The following RANBP2 variants were observed in gnomAD, a reference collection of about 807,000 sequenced individuals.
RANBP2 encodes RAN binding protein 2.
A neutral mutation model predicts 303.6 loss-of-function variants in RANBP2; 57 were observed. The observed-to-expected ratio is 0.19, with a 90% CI of 0.15 to 0.23. The LOEUF is 0.23. RANBP2 is among the 10% of genes least tolerant of loss of function. RANBP2 has a pLI of 1.00. For missense variants in RANBP2, 3,138 were observed against 3,780.8 expected (o/e 0.83, Z 4.46); for synonymous variants, 1,167 against 1,301.5 (o/e 0.90, Z 2.23).
chr2:109,434,861 T>G, the RANBP2 span, among the ~76,000 whole-genome samples: 1 of 152,212 alleles, frequency 6.6e-6, no homozygotes, highest in South Asian at 2.1e-4. Flanking sequence ...ATCGAATCAA[T>G]AAAAGAAATC....
At chr2:109,513,154 C>T in the RANBP2 span, among the ~76,000 whole-genome samples, 1 of 152,184 alleles carries the variant, frequency 6.6e-6, no homozygotes, top group Non-Finnish European at 1.5e-5. Context: ...ACCTTCCACT[C>T]CCGTGCCCTG....
chr2:109,064,463 AAAAAAAAAC>A, the RANBP2 span, among the ~76,000 whole-genome samples: 2 of 148,264 alleles, frequency 1.3e-5, no homozygotes, highest in Non-Finnish European at 3.0e-5. Context: ...CTCAAAAAAA[AAAAAAAAAC>A]AAAAACAAAC....
the RANBP2 span, among the ~76,000 whole-genome samples, chr2:109,440,984 C>A: frequency 6.6e-6 from 1 of 152,146 alleles, no homozygotes; most frequent in African/African-American, 2.4e-5. Context: ...ATTGAGTAAT[C>A]TACACAGGAC....
the RANBP2 span, among the ~76,000 whole-genome samples, chr2:109,003,749 C>A: frequency 6.6e-6 from 1 of 152,184 alleles, no homozygotes; most frequent in Non-Finnish European, 1.5e-5. Flanking sequence ...ATCAAATACC[C>A]ATGTCTCCTT....
the RANBP2 span, among the ~76,000 whole-genome samples, chr2:109,599,212 C>T: frequency 6.6e-6 from 1 of 152,216 alleles, no homozygotes; most frequent in South Asian, 2.1e-4. Flanking sequence ...AACCCCAGCA[C>T]TCTGGGAGGC....
At chr2:109,418,235 C>T in the RANBP2 span, among the ~76,000 whole-genome samples, 1 of 152,104 alleles carries the variant, frequency 6.6e-6, no homozygotes, top group Non-Finnish European at 1.5e-5. Flanking sequence ...GGGAGGAGAC[C>T]CCTGTCTCCC....
At chr2:109,427,846 G>A in the RANBP2 span, among the ~76,000 whole-genome samples, 2 of 152,260 alleles carry the variant, frequency 1.3e-5, no homozygotes, top group East Asian at 1.9e-4. Context: ...TCAGCCCTCA[G>A]GGAAGAGGCG....
At chr2:109,122,845 T>G in the RANBP2 span, among the ~76,000 whole-genome samples, 1 of 152,272 alleles carries the variant, frequency 6.6e-6, no homozygotes, top group South Asian at 2.1e-4. Flanking sequence ...CGCTCCAAAC[T>G]GGGTGAAAGA....
At chr2:109,210,695 A>T in the RANBP2 span, among the ~76,000 whole-genome samples, 1 of 152,076 alleles carries the variant, frequency 6.6e-6, no homozygotes, top group Non-Finnish European at 1.5e-5. Flanking sequence ...CCCAGGAAGG[A>T]GGTTGGGTTT....
At chr2:109,680,221 C>A in the RANBP2 span, among the ~76,000 whole-genome samples, 2 of 149,334 alleles carry the variant, frequency 1.3e-5, no homozygotes, top group Non-Finnish European at 3.0e-5. Flanking sequence ...GGCATGGTGG[C>A]GGGCACCTGT....
At chr2:109,461,191 C>T in the RANBP2 span, among the ~76,000 whole-genome samples, 3 of 152,334 alleles carry the variant, frequency 2.0e-5, no homozygotes, top group South Asian at 2.1e-4. Context: ...CTGCTGTGCA[C>T]GCCCAGCTTT....
At chr2:108,887,590 T>C in the RANBP2 span, among the ~76,000 whole-genome samples, 3 of 152,188 alleles carry the variant, frequency 2.0e-5, no homozygotes, top group South Asian at 6.2e-4. Context: ...GATTTTCCAC[T>C]TCCTTGGTTA....
the RANBP2 span, among the ~76,000 whole-genome samples, chr2:109,182,937 C>G: frequency 6.6e-6 from 1 of 152,128 alleles, no homozygotes; most frequent in African/African-American, 2.4e-5. Context: ...TCCCATGAAT[C>G]TTTGACATTG....
chr2:108,838,586 T>A, the RANBP2 span, among the ~76,000 whole-genome samples: 2 of 152,108 alleles, frequency 1.3e-5, no homozygotes, highest in African/African-American at 4.8e-5. Context: ...CTGAAATCAT[T>A]TAGCAAAATG....
At chr2:109,536,867 C>A in the RANBP2 span, among the ~76,000 whole-genome samples, 1 of 152,152 alleles carries the variant, frequency 6.6e-6, no homozygotes, top group South Asian at 2.1e-4. Context: ...AAGAGGAGTT[C>A]CCCTGCACAA....
At chr2:109,014,030 C>G in the RANBP2 span, among the ~76,000 whole-genome samples, 1 of 152,202 alleles carries the variant, frequency 6.6e-6, no homozygotes. Flanking sequence ...GTGCAACAAG[C>G]CAGCTGGAGG....
At chr2:109,379,064 A>G in the RANBP2 span, among the ~76,000 whole-genome samples, 1 of 152,192 alleles carries the variant, frequency 6.6e-6, no homozygotes, top group Non-Finnish European at 1.5e-5. Context: ...CAGAGACAGT[A>G]ACAGAGCCCA....
chr2:109,086,654 T>TG, the RANBP2 span, among the ~76,000 whole-genome samples: 1 of 152,136 alleles, frequency 6.6e-6, no homozygotes, highest in Non-Finnish European at 1.5e-5. Context: ...TGAGATTGCA[T>TG]TCCATAAGGC....
the RANBP2 span, among the ~76,000 whole-genome samples, chr2:109,434,641 C>T: frequency 6.6e-6 from 1 of 152,210 alleles, no homozygotes; most frequent in Non-Finnish European, 1.5e-5. Context: ...TATATGAAGC[C>T]TTGCCTGGAG....
Sources: allele counts gnomAD v4.1 joint callset (sites outside exome capture counted in the v4.1 genomes callset), GRCh38; gene constraint gnomAD v4.1.1; transcripts MANE v1.5; gene names NCBI Gene and HGNC (gene_info 2026-07-23, HGNC 2026-07-21).